Variants in MAD1L1 observed in about 807,000 individuals in gnomAD.
The protein encoded by MAD1L1 is mitotic spindle assembly checkpoint protein MAD1.
Under a neutral mutation model 96.9 loss-of-function variants are expected in MAD1L1, and 95 were observed. That is an observed-to-expected ratio of 0.98 (90% CI 0.83 to 1.16). MAD1L1 has a LOEUF of 1.16. Ranked by LOEUF, MAD1L1 falls within the 50% of genes most tolerant of loss-of-function variation. The probability of loss-of-function intolerance (pLI) is 0.00; values close to 1 mark genes in which losing one functional copy is unlikely to be tolerated. For synonymous variants in MAD1L1, 473 were observed against 396.6 expected (o/e 1.19, Z -2.29); for missense variants, 1,007 against 954.4 (o/e 1.06, Z -0.73).
chr7:2,113,483 G>C (rs1787491555), intron 11 of MAD1L1, among the ~76,000 whole-genome samples: 2 of 152,182 alleles, frequency 1.3e-5, no homozygotes, highest in South Asian at 2.1e-4. Flanking sequence ...GGGAGGCCGA[G>C]GCAGGAGAAT....
chr7:1,936,527 G>C (rs977430218), intron 17 of MAD1L1, among the ~76,000 whole-genome samples, 160 bp downstream of exon 17: 1 of 152,208 alleles, frequency 6.6e-6, no homozygotes, highest in African/African-American at 2.4e-5. Flanking sequence ...CGGGGCCAGG[G>C]TGCTCTGCCC....
At chr7:1,826,116 G>A (rs926752109) in intron 18 of MAD1L1, among the ~76,000 whole-genome samples, 1 of 152,188 alleles carries the variant, frequency 6.6e-6, no homozygotes, top group African/African-American at 2.4e-5. Context: ...TACGCAACCT[G>A]TTAGACCGGG....
intron 18 of MAD1L1, among the ~76,000 whole-genome samples, chr7:1,841,046 T>G (rs528379174): frequency 6.6e-6 from 1 of 152,258 alleles, no homozygotes; most frequent in South Asian, 2.1e-4. Context: ...GCTGGTGGGA[T>G]TAGATGTGAC....
chr7:1,997,682 A>G (rs951705476), intron 14 of MAD1L1, among the ~76,000 whole-genome samples: 2 of 152,262 alleles, frequency 1.3e-5, no homozygotes, highest in Non-Finnish European at 2.9e-5. Flanking sequence ...GGCAACCTGG[A>G]GCCCAGGGCT....
In MAD1L1 at chr7:2,058,945, G is replaced by A. The variant is rs1423522394; in HGVS notation, c.1218+10249C>T. ...GAGAGGGAGTGTGGCCAGAGGAGAGGAGAGGCGCGGGGCTAGAGTGGGAGT... is the reference window on the plus strand; with the variant it reads ...GAGAGGGAGTGTGGCCAGAGGAGAGAAGAGGCGCGGGGCTAGAGTGGGAGT... On this transcript the variant is annotated intron_variant, in intron 12 of 18. Transcript: ENST00000265854. Among the ~76,000 whole-genome samples, 81 of 100,476 alleles carry A rather than the reference G, an allele frequency of 8.1e-4. 6 individuals carry two copies. Among genetic ancestry groups the A allele is most frequent in the Non-Finnish European group, 9.1e-4 (47 of 51,582 alleles). The allele number at this position is 100,476 out of a possible 152,430, so 65.9% of individuals were successfully genotyped here.
chr7:1,962,115 C>A (rs1341108704), intron 15 of MAD1L1, among the ~76,000 whole-genome samples: 2 of 152,176 alleles, frequency 1.3e-5, no homozygotes. Flanking sequence ...GCGGTTTCCC[C>A]CATACCATTC....
chr7:1,862,769 G>GA lies in MAD1L1; in HGVS notation c.1998+35430dup, dbSNP rs557420695. Reference sequence around the variant, plus strand: ...AAGCTTTACATCACTGCTGTAAAATGAAAAAAAACAGTGCTTGCTATAAAT... The same window carrying GA: ...AAGCTTTACATCACTGCTGTAAAATGAAAAAAAAACAGTGCTTGCTATAAAT... On this transcript the variant is annotated intron_variant, in intron 18 of 18. Transcript: ENST00000265854. 1.7e-3 allele frequency among the ~76,000 whole-genome samples: 261 copies of GA among 151,892 alleles called. 1 individual carries two copies. Among genetic ancestry groups the GA allele is most frequent in the South Asian group, 0.014 (68 of 4,804 alleles).
intron 10 of MAD1L1, among the ~76,000 whole-genome samples, chr7:2,191,913 C>T (rs1791739792): frequency 6.6e-6 from 1 of 151,854 alleles, no homozygotes; most frequent in Non-Finnish European, 1.5e-5. Context: ...CACCTGTAAT[C>T]TCAGCTACTC....
chr7:2,079,137 T>C (rs3800877), intron 11 of MAD1L1, among the ~76,000 whole-genome samples: 96,198 of 152,088 alleles, frequency 0.63, 30,546 homozygotes, highest in Admixed American at 0.7. Context: ...CGTCATGAGG[T>C]TGGGGCCGGG....
intron 11 of MAD1L1, among the ~76,000 whole-genome samples, chr7:2,111,499 A>G (rs1223385088): frequency 1.3e-5 from 2 of 152,238 alleles, no homozygotes; most frequent in Non-Finnish European, 2.9e-5. Context: ...AGGAAAGACA[A>G]AAGACTTGAG....
chr7:1,913,673 G>A (rs1030023356), intron 17 of MAD1L1, among the ~76,000 whole-genome samples: 2 of 152,094 alleles, frequency 1.3e-5, no homozygotes, highest in African/African-American at 4.8e-5. Flanking sequence ...TGCTATGGGG[G>A]GAGGGAGAGC....
At chr7:2,096,725 A>C (rs1165872954) in intron 11 of MAD1L1, among the ~76,000 whole-genome samples, 1 of 152,168 alleles carries the variant, frequency 6.6e-6, no homozygotes, top group Non-Finnish European at 1.5e-5. Context: ...TCGTCAACTC[A>C]GGCCCCTTCA....
In MAD1L1 at chr7:2,230,061, C is replaced by G; in HGVS notation, c.73G>C (p.Val25Leu). 1 of 1,613,530 alleles carries G rather than the reference C, an allele frequency of 6.2e-7. No individual in the cohort carries two copies. The highest frequency in any genetic ancestry group is 8.5e-7 in the Non-Finnish European group (1 of 1,179,778). ...ATATCCAGTCCAGAGCCTCCCTCCA[C>G]ACGCTGAGAGATGAAGTTGTTCAAA... ...RSLNNFISQRVEGGSGLDIST... is the reference protein window; with the variant it reads ...RSLNNFISQRLEGGSGLDIST... Residue 25 changes from valine (V) to leucine (L), a missense_variant, in exon 3 of 19, where the codon GTG becomes CTG. Physicochemically the swap from Val to Leu is conservative, Grantham distance 32. Coordinates refer to ENST00000265854, the MANE Select transcript of MAD1L1 (RefSeq NM_001013836.2).
chr7:2,047,757 A>G (rs952081190), intron 12 of MAD1L1, among the ~76,000 whole-genome samples: 1 of 151,370 alleles, frequency 6.6e-6, no homozygotes, highest in Admixed American at 6.6e-5. Flanking sequence ...GCACACTCAC[A>G]TGCATACAGA....
intron 17 of MAD1L1, among the ~76,000 whole-genome samples, chr7:1,917,258 G>T (rs969134950): frequency 6.6e-6 from 1 of 152,184 alleles, no homozygotes; most frequent in African/African-American, 2.4e-5. Flanking sequence ...CAGCACATGG[G>T]CCTCCCGCTC....
At chr7:2,009,861 C>T (rs1584068106) in intron 13 of MAD1L1, among the ~76,000 whole-genome samples, 1 of 152,300 alleles carries the variant, frequency 6.6e-6, no homozygotes, top group Admixed American at 6.5e-5. Context: ...TAAGTGTGTG[C>T]TGCCGGGGGT....
rs1254882467 is a variant in MAD1L1, at chr7:2,102,346, C to T, written c.1074-33008G>A. ...GCCGTCACCATCACCATCACCACCG[C>T]CACCATCACCACCGTCACTATCACC... On this transcript the variant is annotated intron_variant, in intron 11 of 18. Transcript: ENST00000265854. Among the ~76,000 whole-genome samples the T allele has an allele frequency of 2.4e-4, 36 of 150,990 alleles. No homozygotes were observed. In the South Asian group the frequency reaches 7.4e-3, roughly 31 times the overall value.
At chr7:2,158,082 C>T (rs895757219) in intron 10 of MAD1L1, among the ~76,000 whole-genome samples, 3 of 152,218 alleles carry the variant, frequency 2.0e-5, no homozygotes, top group Admixed American at 6.5e-5. Context: ...GCTGAACACG[C>T]GGGCTTCAGC....
At chr7:2,138,983 C>A (rs1430390013) in intron 11 of MAD1L1, among the ~76,000 whole-genome samples, 2 of 152,188 alleles carry the variant, frequency 1.3e-5, no homozygotes, top group African/African-American at 4.8e-5. Context: ...GAGAACACCT[C>A]TCAGCTGGAG....
Sources: allele counts gnomAD v4.1 joint callset (sites outside exome capture counted in the v4.1 genomes callset), GRCh38; gene constraint gnomAD v4.1.1; transcripts MANE v1.5; gene names NCBI Gene and HGNC (gene_info 2026-07-23, HGNC 2026-07-21).